Variants in PRKCE observed in about 807,000 individuals in gnomAD.
The protein encoded by PRKCE is protein kinase C epsilon type.
PRKCE carries 16 observed loss-of-function variants against 85.4 expected under a neutral mutation model. The ratio of observed to expected loss-of-function variants is 0.19; its 90% CI spans 0.13 to 0.28. The LOEUF is 0.28. Ranked by LOEUF, PRKCE falls within the 10% of genes least tolerant of loss-of-function variation. The pLI, the probability that PRKCE is intolerant of heterozygous loss-of-function variation, is 1.00. For missense variants in PRKCE, 573 were observed against 975.2 expected (o/e 0.59, Z 5.49); for synonymous variants, 388 against 371.5 (o/e 1.04, Z -0.51).
Position 45,984,438 on chromosome 2 carries a change from C to T in PRKCE, c.694-113C>T, listed in dbSNP as rs947555139. On this transcript the variant is annotated intron_variant, in intron 5 of 14. Coordinates refer to ENST00000306156, the MANE Select transcript of PRKCE (RefSeq NM_005400.3). Reference sequence around the variant, plus strand: ...GCTTTTAGAGCCAAGCTAGGGCCTGCCACCTACAATGACACAAGCTCTCTT... The same window carrying T: ...GCTTTTAGAGCCAAGCTAGGGCCTGTCACCTACAATGACACAAGCTCTCTT... The T allele has an allele frequency of 6.9e-6, 10 of 1,459,500 alleles. No individual in the cohort carries two copies. In the Admixed American group the frequency reaches 1.3e-4, roughly 19 times the overall value. The allele number at this position is 1,459,500 out of a possible 1,614,324, so 90.4% of individuals were successfully genotyped here.
At chr2:45,996,595 GA>G (rs59195941) in intron 6 of PRKCE, among the ~76,000 whole-genome samples, 38,890 of 149,864 alleles carry the variant, frequency 0.26, 5,112 homozygotes, top group South Asian at 0.3. Flanking sequence ...AGAATTATTT[GA>G]TTTTTTTTCT....
intron 1 of PRKCE, among the ~76,000 whole-genome samples, chr2:45,785,858 G>A (rs1009346468): frequency 3.3e-5 from 5 of 152,162 alleles, no homozygotes; most frequent in African/African-American, 4.8e-5. Flanking sequence ...GGCCAAACTC[G>A]AACCTCTGCC....
intron 1 of PRKCE, among the ~76,000 whole-genome samples, chr2:45,801,455 G>A (rs1416786891): frequency 6.6e-6 from 1 of 152,086 alleles, no homozygotes; most frequent in African/African-American, 2.4e-5. Flanking sequence ...AGGAAGGGGA[G>A]CAGTGGAGAA....
chr2:45,706,895 G>C (rs1401951059), intron 1 of PRKCE, among the ~76,000 whole-genome samples: 1 of 152,224 alleles, frequency 6.6e-6, no homozygotes, highest in Non-Finnish European at 1.5e-5. Flanking sequence ...AACTGGGGCA[G>C]AGGGTGGTTA....
At chr2:46,164,038 G>C (rs1227825411) in intron 14 of PRKCE, among the ~76,000 whole-genome samples, 1 of 152,358 alleles carries the variant, frequency 6.6e-6, no homozygotes, top group East Asian at 1.9e-4. Context: ...GCCATCACAA[G>C]ACAGGATTTC....
chr2:45,788,314 T>A (rs1241780552), intron 1 of PRKCE, among the ~76,000 whole-genome samples: 4 of 152,240 alleles, frequency 2.6e-5, no homozygotes, highest in African/African-American at 9.6e-5. Flanking sequence ...ATAATTTAAC[T>A]CATCCTTGGT....
chr2:45,925,052 TTTTA>T (rs1254432439), intron 2 of PRKCE, among the ~76,000 whole-genome samples: 1 of 152,018 alleles, frequency 6.6e-6, no homozygotes, highest in East Asian at 1.9e-4. Flanking sequence ...GGGCAGGGTG[TTTTA>T]AAGGTATCCA....
intron 5 of PRKCE, among the ~76,000 whole-genome samples, chr2:45,983,292 G>A (rs994343887): frequency 3.3e-5 from 5 of 152,054 alleles, no homozygotes; most frequent in Non-Finnish European, 7.4e-5. Context: ...AGTCCCCCAC[G>A]GGGGCCTGTT....
intron 10 of PRKCE, among the ~76,000 whole-genome samples, chr2:46,072,538 C>T (rs1324757578): frequency 6.6e-6 from 1 of 152,168 alleles, no homozygotes; most frequent in African/African-American, 2.4e-5. Flanking sequence ...GGAGTGAAAC[C>T]ACAGCTATCT....
At chr2:46,135,710 GA>G (rs1165472278) in intron 11 of PRKCE, among the ~76,000 whole-genome samples, 4 of 113,654 alleles carry the variant, frequency 3.5e-5, no homozygotes, top group African/African-American at 1.0e-4. Context: ...TGGAGAACTT[GA>G]AAAAAATTTA....
chr2:45,690,392 G>C (rs1237229458), intron 1 of PRKCE, among the ~76,000 whole-genome samples: 2 of 152,210 alleles, frequency 1.3e-5, no homozygotes, highest in Non-Finnish European at 1.5e-5. Context: ...GACATGTATG[G>C]TGCAAAGCAG....
chr2:45,891,689 G>T (rs1038898737), intron 2 of PRKCE, among the ~76,000 whole-genome samples: 1 of 152,144 alleles, frequency 6.6e-6, no homozygotes, highest in African/African-American at 2.4e-5. Context: ...GTAGAGTGGG[G>T]GTTTCAGTGC....
At chr2:45,680,520 G>A (rs962129205) in intron 1 of PRKCE, among the ~76,000 whole-genome samples, 1 of 152,180 alleles carries the variant, frequency 6.6e-6, no homozygotes, top group African/African-American at 2.4e-5. Flanking sequence ...TTTAAAGTTG[G>A]ACTGTTTACA....
intron 2 of PRKCE, among the ~76,000 whole-genome samples, chr2:45,898,888 C>T (rs1465964008): frequency 1.3e-5 from 2 of 152,210 alleles, no homozygotes; most frequent in African/African-American, 4.8e-5. Context: ...TGCCAGAACT[C>T]TAAGGCCTGG....
chr2:45,908,228 G>T (rs1276372073), intron 2 of PRKCE, among the ~76,000 whole-genome samples: 1 of 152,148 alleles, frequency 6.6e-6, no homozygotes, highest in Non-Finnish European at 1.5e-5. Context: ...CTATGGATCT[G>T]CTTCTCAGGC....
At chr2:45,767,044 A>AC (rs1425056755) in intron 1 of PRKCE, among the ~76,000 whole-genome samples, 1 of 151,930 alleles carries the variant, frequency 6.6e-6, no homozygotes, top group Non-Finnish European at 1.5e-5. Context: ...CAGTCTAAAA[A>AC]AAAAAAAATA....
intron 2 of PRKCE, among the ~76,000 whole-genome samples, chr2:45,960,447 T>C (rs115557920): frequency 0.012 from 1,816 of 152,278 alleles, 29 homozygotes; most frequent in Middle Eastern, 0.051. Flanking sequence ...TTTCCACTGA[T>C]GGGCAGGGAG....
chr2:45,855,731 G>C (rs4953273), intron 2 of PRKCE, among the ~76,000 whole-genome samples: 16,463 of 152,280 alleles, frequency 0.11, 1,133 homozygotes, highest in South Asian at 0.26. Flanking sequence ...GGAGTAGAAA[G>C]AGACTGAGGT....
chr2:45,785,185 A>C lies in PRKCE; in HGVS notation c.349-57815A>C, dbSNP rs550794119. On this transcript the variant is annotated intron_variant, in intron 1 of 14. Transcript: ENST00000306156. ...TGTATTATAGCATTTTTCTTTTAAA[A>C]GAAAATTATTTAAGAAAAAAAGAGG... Among the ~76,000 whole-genome samples the C allele has an allele frequency of 1.1e-3, 161 of 152,340 alleles. 1 individual carries two copies. The highest frequency in any genetic ancestry group is 1.0e-3 in the Non-Finnish European group (68 of 68,040).
Sources: allele counts gnomAD v4.1 joint callset (sites outside exome capture counted in the v4.1 genomes callset), GRCh38; gene constraint gnomAD v4.1.1; transcripts MANE v1.5; gene names NCBI Gene and HGNC (gene_info 2026-07-23, HGNC 2026-07-21).